The following USP34 variants were observed in gnomAD, a reference collection of about 807,000 sequenced individuals.
The protein encoded by USP34 is ubiquitin carboxyl-terminal hydrolase 34.
In USP34, 70 loss-of-function variants were observed where a neutral mutation model predicts 460.3. The ratio of observed to expected loss-of-function variants is 0.15; its 90% CI spans 0.13 to 0.19. USP34 has a LOEUF of 0.19. USP34 is among the 10% of genes least tolerant of loss of function. The pLI, the probability that USP34 is intolerant of heterozygous loss-of-function variation, is 1.00. For missense variants in USP34, 3,985 were observed against 4,236.2 expected (o/e 0.94, Z 1.65); for synonymous variants, 1,647 against 1,405.3 (o/e 1.17, Z -3.85).
intron 18 of USP34, 77 bp downstream of exon 18, chr2:61,339,274 C>T (rs910645678): frequency 1.1e-5 from 16 of 1,420,100 alleles, no homozygotes; most frequent in Admixed American, 4.3e-5. Context: ...AAAAACATCA[C>T]ACCTAGTCAA....
At chr2:61,386,200 T>C (rs1693140038) in intron 5 of USP34, among the ~76,000 whole-genome samples, 1 of 151,808 alleles carries the variant, frequency 6.6e-6, no homozygotes, top group Non-Finnish European at 1.5e-5. Flanking sequence ...GAGGCATGAG[T>C]CACCTGTAAC....
At chr2:61,359,191 CA>C (rs1182024651) in intron 10 of USP34, among the ~76,000 whole-genome samples, 2 of 151,662 alleles carry the variant, frequency 1.3e-5, no homozygotes, top group African/African-American at 4.8e-5. Context: ...AAAGAAAAAA[CA>C]AAAAGCAACA....
At chr2:61,271,359 T>C (rs1036928134) in intron 41 of USP34, among the ~76,000 whole-genome samples, 1 of 152,218 alleles carries the variant, frequency 6.6e-6, no homozygotes, top group Admixed American at 6.5e-5. Context: ...TGATATCTCT[T>C]TTTAATAACT....
intron 1 of USP34, among the ~76,000 whole-genome samples, chr2:61,437,493 G>A (rs1473828725): frequency 1.3e-5 from 2 of 152,068 alleles, no homozygotes; most frequent in African/African-American, 2.4e-5. Flanking sequence ...TAAAAAACCT[G>A]CCAGGCACGG....
chr2:61,187,686 A>C lies in USP34; in HGVS notation c.*416T>G, dbSNP rs996992972. On this transcript the variant is annotated 3_prime_UTR_variant, in exon 80 of 80. Coordinates refer to ENST00000398571, the MANE Select transcript of USP34 (RefSeq NM_014709.4). Reference sequence around the variant, plus strand: ...GTTGTTCCGTATACAAGTAAACTTAATTTTGATAATAAGAACCACAGCGAT... The same window carrying C: ...GTTGTTCCGTATACAAGTAAACTTACTTTTGATAATAAGAACCACAGCGAT... The C allele has an allele frequency of 1.4e-5, 7 of 517,912 alleles. No homozygotes were observed. The highest frequency in any genetic ancestry group is 1.8e-5 in the Non-Finnish European group (7 of 399,128). 32.1% of individuals were successfully genotyped at this position (517,912 alleles called of 1,614,324 possible).
At chr2:61,194,914 T>C (rs1319750807) in intron 75 of USP34, among the ~76,000 whole-genome samples, 12 of 145,948 alleles carry the variant, frequency 8.2e-5, no homozygotes, top group African/African-American at 2.8e-4. Flanking sequence ...GATCGTGCCA[T>C]TGCACTCCAG....
chr2:61,373,076 C>A (rs910722074), intron 8 of USP34, among the ~76,000 whole-genome samples: 1 of 151,950 alleles, frequency 6.6e-6, no homozygotes, highest in African/African-American at 2.4e-5. Context: ...ACGTAGGAGC[C>A]ATGTTTTTTA....
rs184644860 is a variant in USP34, at chr2:61,396,647, C to G, written c.553-1414G>C. 8.5e-4 allele frequency among the ~76,000 whole-genome samples: 129 copies of G among 152,176 alleles called. 1 individual carries two copies. The East Asian group carries it at 0.015, about 17-fold the overall frequency. On this transcript the variant is annotated intron_variant, in intron 3 of 79. Coordinates refer to ENST00000398571, the MANE Select transcript of USP34 (RefSeq NM_014709.4). ...GGGATTACAGGCGCCCACCACCATG[C>G]CCGGCTAATTTTTTGTATTTTTAGT...
chr2:61,349,402 T>G (rs776915584), intron 12 of USP34, 117 bp from the exon 13 acceptor site: 4 of 1,008,454 alleles, frequency 4.0e-6, no homozygotes, highest in Non-Finnish European at 4.4e-6. Flanking sequence ...AAACCTGCAA[T>G]AAGGTTAAGT....
chr2:61,389,160 G>A (rs540547747), intron 5 of USP34, among the ~76,000 whole-genome samples: 2 of 152,240 alleles, frequency 1.3e-5, no homozygotes, highest in East Asian at 3.9e-4. Context: ...ATTAAAGGAT[G>A]AATTGTGTTT....
chr2:61,254,656 G>C (rs546891333), intron 48 of USP34, among the ~76,000 whole-genome samples: 1 of 152,222 alleles, frequency 6.6e-6, no homozygotes, highest in African/African-American at 2.4e-5. Context: ...CCATTTTATG[G>C]CTCTTAAGAG....
At chr2:61,257,501 T>G (rs1474496628) in intron 44 of USP34, 151 bp from the exon 45 acceptor site, 2 of 564,122 alleles carry the variant, frequency 3.5e-6, no homozygotes. Flanking sequence ...TGTTTAGTTT[T>G]CATAGTATTT....
At chr2:61,447,236 CAGAGTG>C (rs142059119) in intron 1 of USP34, among the ~76,000 whole-genome samples, 1,942 of 102,890 alleles carry the variant, frequency 0.019, 44 homozygotes, top group African/African-American at 0.066. Flanking sequence ...GCCTGGGCAA[CAGAGTG>C]AAACTGTCTT....
At chr2:61,445,885 T>C (rs1181959388) in intron 1 of USP34, among the ~76,000 whole-genome samples, 1 of 151,530 alleles carries the variant, frequency 6.6e-6, no homozygotes, top group African/African-American at 2.4e-5. Context: ...AAGGCAGAGG[T>C]TGCAGTGAGC....
At chr2:61,257,971 T>C (rs749126599) in intron 44 of USP34, among the ~76,000 whole-genome samples, 3 of 152,174 alleles carry the variant, frequency 2.0e-5, no homozygotes, top group Non-Finnish European at 1.5e-5. Flanking sequence ...TTCCCAGAGA[T>C]TGAACTTTGT....
At position 61,281,180 on chromosome 2, in the gene USP34, T is replaced by C. The variant is rs1251574540; in HGVS notation, c.5061A>G (p.Gly1687=). 1.2e-5 allele frequency: 19 copies of C among 1,614,068 alleles called. No individual in the cohort carries two copies. Among genetic ancestry groups the C allele is most frequent in the Non-Finnish European group, 1.5e-5 (18 of 1,179,952 alleles). Residue 1687 remains glycine, a synonymous_variant, in exon 38 of 80, where the codon GGA becomes GGG. Transcript: ENST00000398571. ...LYKLSLSGLD[G]GDSINRSFLL... ...GAAAAGAACGATTGATTGAGTCTCC[T>C]CCATCCAGCCCTGACAGGGATAACT...
intron 33 of USP34, 51 bp from the exon 34 acceptor site, chr2:61,288,928 G>A (rs748020675): frequency 1.9e-6 from 3 of 1,561,740 alleles, no homozygotes; most frequent in Admixed American, 3.4e-5. Context: ...ATTTAGAATG[G>A]CCACAATACA....
At chr2:61,296,953 CA>C (rs758043784) in intron 29 of USP34, 28 bp from the exon 30 acceptor site, 1 of 1,573,768 alleles carries the variant, frequency 6.4e-7, no homozygotes, top group African/African-American at 1.4e-5. Flanking sequence ...ACTACTTTAT[CA>C]AAACAGATCA....
chr2:61,206,634 A>G, intron 71 of USP34, 126 bp downstream of exon 71: 1 of 1,194,120 alleles, frequency 8.4e-7, no homozygotes, highest in Non-Finnish European at 1.1e-6. Context: ...ATGGTTAGCT[A>G]GCTTCAGCCT....
Sources: allele counts gnomAD v4.1 joint callset (sites outside exome capture counted in the v4.1 genomes callset), GRCh38; gene constraint gnomAD v4.1.1; transcripts MANE v1.5; gene names NCBI Gene and HGNC (gene_info 2026-07-23, HGNC 2026-07-21).